Variants in ODAD4 observed in about 807,000 individuals in gnomAD.
ODAD4 encodes the protein outer dynein arm-docking complex subunit 4.
Under a neutral mutation model 51.8 loss-of-function variants are expected in ODAD4, and 49 were observed. The observed-to-expected ratio is 0.95, with a 90% confidence interval of 0.75 to 1.20. The LOEUF (loss-of-function observed/expected upper bound fraction) is 1.20, where lower values mean the gene tolerates loss of function less well. ODAD4 is among the 50% of genes most tolerant of loss of function. The pLI is 0.00. For missense variants in ODAD4, 590 were observed against 586.5 expected, an observed-to-expected ratio of 1.01 and a Z score of -0.06; for synonymous variants, 235 against 221.3, an observed-to-expected ratio of 1.06 and a Z score of -0.55.
chr17:41,933,056 A>T (rs1399937365), intron 1 of ODAD4, among the ~76,000 whole-genome samples: 1 of 151,976 alleles, frequency 6.6e-6, no homozygotes, highest in Non-Finnish European at 1.5e-5. Context: ...AAAACCAGAA[A>T]TGATGACCAG....
rs1003175580 is a variant in ODAD4, at chr17:41,955,226, G to A, written c.1352G>A (p.Arg451Lys). The change falls in exon 10 of 12, where the codon AGA (arginine) becomes AAA (lysine). Residue 451 changes from arginine (R) to lysine (K), a missense_variant. Around this residue, in one of 3 missense-constraint regions of ODAD4, gnomAD observed 226 missense variants for 162.7 expected, o/e 1.39. Transcript: ENST00000377540. Reference sequence around the variant, plus strand: ...TCCCCTTGCTCTCCAGTGAAGCTGAGAGACTTCGAGTCAGCCGTGAACAAT... The same window carrying A: ...TCCCCTTGCTCTCCAGTGAAGCTGAAAGACTTCGAGTCAGCCGTGAACAAT... ...VLVAQAQVKLRDFESAVNNFE... is the reference protein window; with the variant it reads ...VLVAQAQVKLKDFESAVNNFE... 6 of 778,208 alleles carry A rather than the reference G, an allele frequency of 7.7e-6. No homozygotes were observed. The highest frequency in any genetic ancestry group is 1.2e-5 in the Non-Finnish European group (5 of 416,846). The allele number at this position is 778,208 out of a possible 1,614,324, so 48.2% of individuals were successfully genotyped here.
chr17:41,958,519 G>A (rs183287395), intron 10 of ODAD4, among the ~76,000 whole-genome samples: 116 of 151,910 alleles, frequency 7.6e-4, no homozygotes, highest in African/African-American at 2.7e-3. Context: ...ACAATTAGCC[G>A]GGTATGGTGG....
In ODAD4 at chr17:41,965,312, G is replaced by A. The variant is rs781846367; in HGVS notation, c.1848G>A (p.Ser616=). Residue 616 remains serine, a synonymous_variant, in exon 12 of 12, where the codon TCG becomes TCA. Coordinates refer to ENST00000377540, the MANE Select transcript of ODAD4 (RefSeq NM_031421.5). ...RESREIYRRP[S]GELEQRLSGE... is the part of the protein sequence containing the mutation. Reference sequence around the variant, plus strand: ...CAAGAGAAATTTATAGGAGGCCTTCGGGAGAATTAGAGCAAAGACTCTCAG... The same window carrying A: ...CAAGAGAAATTTATAGGAGGCCTTCAGGAGAATTAGAGCAAAGACTCTCAG... The A allele has an allele frequency of 2.3e-5, 18 of 780,414 alleles. No homozygotes were observed. The East Asian group carries it at 2.7e-4, about 12-fold the overall frequency. The allele number at this position is 780,414 out of a possible 1,614,324, so 48.3% of individuals were successfully genotyped here.
At chr17:41,962,497 G>T (rs1276141618) in intron 11 of ODAD4, among the ~76,000 whole-genome samples, 3 of 152,168 alleles carry the variant, frequency 2.0e-5, no homozygotes, top group African/African-American at 7.2e-5. Context: ...AGGAACAGGG[G>T]TGTTAAGCGC....
rs782783573 is a variant in ODAD4, at chr17:41,961,436, G to A, written c.1498G>A (p.Val500Met). 28 of 737,558 alleles carry A rather than the reference G, an allele frequency of 3.8e-5. No individual in the cohort carries two copies. In the East Asian group the frequency reaches 5.7e-4, roughly 15 times the overall value. The allele number at this position is 737,558 out of a possible 1,614,324, so 45.7% of individuals were successfully genotyped here. A position where few individuals can be genotyped will look rare whatever the true frequency, so the allele number is the denominator to read the frequency against. The change falls in exon 11 of 12, where the codon GTG becomes ATG. Residue 500 changes from valine to methionine, a missense_variant. Val to Met is a conservative substitution (Grantham distance 21, BLOSUM62 1). Around this residue, in one of 3 missense-constraint regions of ODAD4, gnomAD observed 226 missense variants for 162.7 expected, o/e 1.39. Transcript: ENST00000377540. ...IIRELRKTNY[V>M]ENLKEKSEGE... Reference sequence around the variant, plus strand: ...CAGAGAACTGAGGAAAACCAACTACGTGGAGAATCTCAAAGAAAAAAGCGA... The same window carrying A: ...CAGAGAACTGAGGAAAACCAACTACATGGAGAATCTCAAAGAAAAAAGCGA...
chr17:41,961,876 G>A (rs191956002), intron 11 of ODAD4, among the ~76,000 whole-genome samples: 34 of 152,310 alleles, frequency 2.2e-4, no homozygotes, highest in Non-Finnish European at 4.3e-4. Flanking sequence ...CGAGGTGGAG[G>A]TGTGCTGCCA....
chr17:41,952,570 C>T, intron 9 of ODAD4: 1 of 145,098 alleles, frequency 6.9e-6, no homozygotes, highest in Non-Finnish European at 1.4e-5. Context: ...AAAAAAAAAA[C>T]AGAAAGAATG....
At chr17:41,941,766 C>CA (rs35275435) in intron 7 of ODAD4, among the ~76,000 whole-genome samples, 12,717 of 122,148 alleles carry the variant, frequency 0.1, 1,095 homozygotes, top group African/African-American at 0.25. Flanking sequence ...GACTCCGTCT[C>CA]AAAAAAAAAA....
intron 3 of ODAD4, 119 bp downstream of exon 3, chr17:41,935,868 C>A: frequency 8.1e-7 from 1 of 1,233,472 alleles, no homozygotes; most frequent in Admixed American, 2.3e-5. Context: ...GAGTCCTACA[C>A]CTGGATTTGG....
chr17:41,960,539 G>A (rs1165435568), intron 10 of ODAD4, among the ~76,000 whole-genome samples: 1 of 152,206 alleles, frequency 6.6e-6, no homozygotes, highest in Non-Finnish European at 1.5e-5. Flanking sequence ...CAGAGTGAGA[G>A]AGCCCCAGCT....
Position 41,965,590 on chromosome 17 carries a change from T to A in ODAD4, c.*107T>A. On this transcript the variant is annotated 3_prime_UTR_variant, in exon 12 of 12. Coordinates refer to ENST00000377540, the MANE Select transcript of ODAD4 (RefSeq NM_031421.5). ...TGTCTGTTATAGGAAAAATGAGGGT[T>A]TTACTTCTGCTGCTTTCCATCACTA... 1 of 628,442 alleles carries A rather than the reference T, an allele frequency of 1.6e-6. No individual in the cohort carries two copies. Among genetic ancestry groups the A allele is most frequent in the African/African-American group, 1.8e-5 (1 of 54,752 alleles). 38.9% of individuals were successfully genotyped at this position (628,442 alleles called of 1,614,324 possible).
At chr17:41,951,968 TG>T (rs2050660087) in intron 9 of ODAD4, among the ~76,000 whole-genome samples, 1 of 134,996 alleles carries the variant, frequency 7.4e-6, no homozygotes, top group Non-Finnish European at 1.6e-5. Context: ...GAAGCCAAGG[TG>T]GGAGGATCGG....
intron 1 of ODAD4, among the ~76,000 whole-genome samples, chr17:41,931,426 G>T (rs1165019120): frequency 6.6e-6 from 1 of 152,192 alleles, no homozygotes; most frequent in African/African-American, 2.4e-5. Context: ...TCCTTCCACA[G>T]AGCAGCCTTA....
intron 7 of ODAD4, among the ~76,000 whole-genome samples, chr17:41,940,295 C>T (rs1555638531): frequency 6.6e-6 from 1 of 152,182 alleles, no homozygotes; most frequent in African/African-American, 2.4e-5. Flanking sequence ...TGAACTCTCC[C>T]TCCCCTGCTC....
At chr17:41,962,136 T>C (rs572554373) in intron 11 of ODAD4, among the ~76,000 whole-genome samples, 1 of 152,168 alleles carries the variant, frequency 6.6e-6, no homozygotes, top group African/African-American at 2.4e-5. Context: ...AGTGATCTTG[T>C]TGGGTCTTTA....
intron 1 of ODAD4, among the ~76,000 whole-genome samples, chr17:41,932,726 CTTTTT>C (rs10712306): frequency 8.9e-6 from 1 of 112,052 alleles, no homozygotes; most frequent in Non-Finnish European, 1.9e-5. Context: ...TTCTTTTCTT[CTTTTT>C]TTTTTTTTTT....
chr17:41,955,437 A>G (rs545577496), intron 10 of ODAD4, 120 bp downstream of exon 10: 5 of 614,362 alleles, frequency 8.1e-6, no homozygotes, highest in African/African-American at 1.9e-5. Context: ...TTGTTTGTTT[A>G]TTTGTTTTGA....
rs1385896432 is a variant in ODAD4 at position 41,965,367 on chromosome 17, C to T, written c.1903C>T (p.Leu635=). The T allele has an allele frequency of 1.3e-6, 1 of 780,388 alleles. No homozygotes were observed. Among genetic ancestry groups the T allele is most frequent in the African/African-American group, 1.7e-5 (1 of 59,034 alleles). 48.3% of individuals were successfully genotyped at this position (780,388 alleles called of 1,614,324 possible). A position where few individuals can be genotyped will look rare whatever the true frequency, so the allele number is the denominator to read the frequency against. ...GEFSRQEPEE[L]KKLSEVGRRE... ...ATTCAGCAGACAGGAACCAGAAGAA[C>T]TAAAGAAACTTTCAGAAGTGGGCAG... is the stretch of plus-strand genomic sequence containing the variant. Residue 635 remains leucine (L), a synonymous_variant, in exon 12 of 12, where the codon CTA becomes TTA. Coordinates refer to ENST00000377540, the MANE Select transcript of ODAD4 (RefSeq NM_031421.5).
chr17:41,951,275 G>A lies in ODAD4; in HGVS notation c.1342+1926G>A, dbSNP rs934626867. On this transcript the variant is annotated intron_variant, in intron 9 of 11. Coordinates refer to ENST00000377540, the MANE Select transcript of ODAD4 (RefSeq NM_031421.5). The stretch of plus-strand genomic sequence containing the variant: ...AATGTTTGTATTTTTAGTAGAGACG[G>A]GATTTCACCAAGTTGGTCAGGCTGG... 1.1e-4 allele frequency among the ~76,000 whole-genome samples: 17 copies of A among 150,986 alleles called. 1 individual carries two copies. Among genetic ancestry groups the A allele is most frequent in the Admixed American group, 8.6e-4 (13 of 15,094 alleles).
Sources: gnomAD v4.1 joint callset for allele counts (sites outside exome capture counted in the v4.1 genomes callset) on GRCh38, gnomAD v4.1.1 for gene constraint, gnomAD v4.1.1 regional missense constraint, MANE v1.5 for transcripts, NCBI Gene and HGNC (gene_info 2026-07-23, HGNC 2026-07-21) for gene names.